Variants in GSE1 observed in about 807,000 individuals in gnomAD.
GSE1 encodes the protein genetic suppressor element 1.
GSE1 carries 32 observed loss-of-function variants against 112.6 expected under a neutral mutation model. The ratio of observed to expected loss-of-function variants is 0.28; its 90% CI spans 0.21 to 0.38. GSE1 has a LOEUF of 0.38. GSE1 is among the 10% of genes least tolerant of loss of function. GSE1 has a pLI of 1.00. For missense variants in GSE1, 2,348 were observed against 1,699.2 expected, an observed-to-expected ratio of 1.38 and a Z score of -6.71; for synonymous variants, 1,115 against 735.6, an observed-to-expected ratio of 1.52 and a Z score of -8.35.
intron 2 of GSE1, among the ~76,000 whole-genome samples, chr16:85,464,198 G>C (rs1239879291): frequency 1.3e-5 from 2 of 152,076 alleles, no homozygotes; most frequent in African/African-American, 2.4e-5. Flanking sequence ...TTTGCCTTTT[G>C]AAAACTCAGG....
chr16:85,485,938 G>A (rs1170806954), intron 2 of GSE1, among the ~76,000 whole-genome samples: 1 of 152,214 alleles, frequency 6.6e-6, no homozygotes. Flanking sequence ...CGGCCCTGAG[G>A]CCATGAGCCT....
At chr16:85,245,008 A>ATT (rs61081331) in intron 1 of GSE1, among the ~76,000 whole-genome samples, 2 of 110,164 alleles carry the variant, frequency 1.8e-5, no homozygotes, top group Admixed American at 1.7e-4. Flanking sequence ...AAAAAAAAAA[A>ATT]TTTTTTTTCC....
At chr16:85,562,898 T>A (rs1316987518) in intron 1 of GSE1, among the ~76,000 whole-genome samples, 1 of 152,214 alleles carries the variant, frequency 6.6e-6, no homozygotes, top group African/African-American at 2.4e-5. Flanking sequence ...AGAGGCAGCC[T>A]CTCCATCAAC....
At chr16:85,669,910 A>AC in intron 14 of GSE1, among the ~76,000 whole-genome samples, 1 of 150,792 alleles carries the variant, frequency 6.6e-6, no homozygotes, top group East Asian at 1.9e-4. Context: ...ACCTGCGCTG[A>AC]CCCCCTCTTC....
At chr16:85,278,306 C>A (rs1490814200) in intron 1 of GSE1, among the ~76,000 whole-genome samples, 1 of 152,218 alleles carries the variant, frequency 6.6e-6, no homozygotes, top group African/African-American at 2.4e-5. Flanking sequence ...CTGGCGGGAG[C>A]CCTGGAGGTC....
At chr16:85,672,033 CTG>C (rs2053387960) in intron 15 of GSE1, 1 of 220,180 alleles carries the variant, frequency 4.5e-6, no homozygotes, top group Non-Finnish European at 9.5e-6. Context: ...AAGTCTCACT[CTG>C]TCACCCAAGC....
intron 2 of GSE1, among the ~76,000 whole-genome samples, chr16:85,438,383 G>A (rs944942829): frequency 6.6e-6 from 1 of 152,178 alleles, no homozygotes. Flanking sequence ...GCGGAGGGGC[G>A]CACCCCGCTC....
At chr16:85,522,670 C>T (rs112531921) in intron 2 of GSE1, among the ~76,000 whole-genome samples, 1 of 152,152 alleles carries the variant, frequency 6.6e-6, no homozygotes, top group Non-Finnish European at 1.5e-5. Context: ...GCTCCGAGTC[C>T]GTGAGTGTGA....
chr16:85,671,104 T>C lies in GSE1; in HGVS notation c.3519+6T>C. ...AGCTCTCCCACAGCGTGGCGGTGAGTTGGGAAGGGATGGAAACCTTCAAAC... is the reference window on the plus strand; with the variant it reads ...AGCTCTCCCACAGCGTGGCGGTGAGCTGGGAAGGGATGGAAACCTTCAAAC... On this transcript the variant is annotated splice_donor_region_variant and intron_variant, in intron 15 of 15. Coordinates refer to ENST00000253458, the MANE Select transcript of GSE1 (RefSeq NM_014615.5). 6.5e-7 allele frequency: 1 copy of C among 1,550,352 alleles called. No individual in the cohort carries two copies. Among genetic ancestry groups the C allele is most frequent in the Non-Finnish European group, 8.9e-7 (1 of 1,123,186 alleles).
chr16:85,441,003 G>A (rs532517877), intron 2 of GSE1, among the ~76,000 whole-genome samples: 13 of 152,342 alleles, frequency 8.5e-5, no homozygotes, highest in African/African-American at 2.6e-4. Flanking sequence ...GGAGGCCAAC[G>A]CATATGCTGG....
In GSE1 at chr16:85,668,342, T is replaced by C. The variant is rs953658911; in HGVS notation, c.3333T>C (p.Asp1111=). 9 of 1,612,870 alleles carry C rather than the reference T, an allele frequency of 5.6e-6. No individual in the cohort carries two copies. Among genetic ancestry groups the C allele is most frequent in the African/African-American group, 5.4e-5 (4 of 74,752 alleles). Reference sequence around the variant, plus strand: ...AGGAGGAAGAGGAGGATGATGAAGATGGAGAAGATGAGGAGGAAGTCCCCA... The same window carrying C: ...AGGAGGAAGAGGAGGATGATGAAGACGGAGAAGATGAGGAGGAAGTCCCCA... ...SEEEEEEDDE[D]GEDEEEVPKR... Residue 1111 remains aspartate (D), a synonymous_variant, in exon 14 of 16, where the codon GAT becomes GAC. Transcript: ENST00000253458.
intron 9 of GSE1, chr16:85,662,747 C>T: frequency 1.9e-6 from 1 of 528,252 alleles, no homozygotes; most frequent in East Asian, 3.2e-5. Context: ...CAGGGGACCA[C>T]CCAGCTACTG....
intron 1 of GSE1, among the ~76,000 whole-genome samples, chr16:85,613,841 G>T (rs1266185202): frequency 1.5e-5 from 2 of 136,338 alleles, no homozygotes; most frequent in African/African-American, 5.4e-5. Context: ...GCTGGCGACG[G>T]CCGAGGAAGC....
At chr16:85,326,127 T>A (rs893580171) in intron 1 of GSE1, among the ~76,000 whole-genome samples, 4 of 152,108 alleles carry the variant, frequency 2.6e-5, no homozygotes, top group Non-Finnish European at 5.9e-5. Context: ...TTTAACAAGA[T>A]CCTTGACTGG....
At chr16:85,627,194 C>A (rs1376930647) in intron 1 of GSE1, among the ~76,000 whole-genome samples, 1 of 147,700 alleles carries the variant, frequency 6.8e-6, no homozygotes, top group African/African-American at 2.5e-5. Flanking sequence ...CACCCGGGGG[C>A]GGTGGTCTTT....
rs577845578 is a variant in GSE1 at position 85,240,041 on chromosome 16, C to T, written c.2283+68234C>T. ...CCCTGGCTCAAGGGCCTAGAGTGAG[C>T]CTGCAGCCCTGTGGCGCCGCCAGTG... On this transcript the variant is annotated intron_variant, in intron 1 of 2. Transcript: ENST00000637419. Among the ~76,000 whole-genome samples the T allele has an allele frequency of 1.0e-3, 155 of 152,368 alleles. 1 individual carries two copies. The highest frequency in any genetic ancestry group is 3.6e-3 in the African/African-American group (151 of 41,594).
chr16:85,335,587 T>A (rs2046465794), intron 1 of GSE1, among the ~76,000 whole-genome samples: 1 of 152,072 alleles, frequency 6.6e-6, no homozygotes, highest in African/African-American at 2.4e-5. Flanking sequence ...AGGAGGTACA[T>A]GGGGTGAGGC....
At chr16:85,211,978 A>G (rs1401080021) in intron 1 of GSE1, among the ~76,000 whole-genome samples, 2 of 152,264 alleles carry the variant, frequency 1.3e-5, no homozygotes, top group East Asian at 3.9e-4. Flanking sequence ...TCGCCCATCA[A>G]ATGGTTTCTG....
chr16:85,661,182 C>G lies in GSE1; in HGVS notation c.1677C>G (p.Asp559Glu). The G allele has an allele frequency of 6.3e-7, 1 of 1,599,016 alleles. No homozygotes were observed. Among genetic ancestry groups the G allele is most frequent in the Non-Finnish European group, 8.6e-7 (1 of 1,169,010 alleles). The change falls in exon 9 of 16, where the codon GAC (aspartate) becomes GAG (glutamate). Residue 559 changes from aspartate to glutamate, a missense_variant. Asp to Glu is a conservative substitution (Grantham distance 45). Coordinates refer to ENST00000253458, the MANE Select transcript of GSE1 (RefSeq NM_014615.5). ...ACCGTCACGAGCCAGGTGGCCGTGA[C>G]CCTCCGCAGCACTTTGGGGGGCCAC... ...GPNRHEPGGR[D>E]PPQHFGGPPP...
Sources: gnomAD v4.1 joint callset for allele counts (sites outside exome capture counted in the v4.1 genomes callset) on GRCh38, gnomAD v4.1.1 for gene constraint, MANE v1.5 for transcripts, NCBI Gene and HGNC (gene_info 2026-07-23, HGNC 2026-07-21) for gene names.